Variants in NCS1 observed in about 807,000 individuals in gnomAD.
NCS1 encodes the protein frequenin homolog.
NCS1 carries 6 observed loss-of-function variants against 28.4 expected under a neutral mutation model. The observed-to-expected ratio is 0.21, with a 90% CI of 0.12 to 0.42. The LOEUF (loss-of-function observed/expected upper bound fraction) is 0.42, where lower values mean the gene tolerates loss of function less well. Ranked by LOEUF, NCS1 falls within the 10% of genes least tolerant of loss-of-function variation. The pLI, the probability that NCS1 is intolerant of heterozygous loss-of-function variation, is 1.00. For synonymous variants in NCS1, 86 were observed against 99.3 expected (o/e 0.87, Z 0.79); for missense variants, 131 against 241.4 (o/e 0.54, Z 3.03).
chr9:130,227,824 A>T (rs1833437497), intron 7 of NCS1, among the ~76,000 whole-genome samples: 1 of 152,244 alleles, frequency 6.6e-6, no homozygotes, highest in South Asian at 2.1e-4. Context: ...AAGGACTCTC[A>T]GGAGTATGCA....
intron 1 of NCS1, 50 bp from the exon 2 acceptor site, chr9:130,200,908 C>A (rs782641284): frequency 1.9e-5 from 31 of 1,613,150 alleles, no homozygotes; most frequent in Non-Finnish European, 2.5e-5. Flanking sequence ...GCCCATCTCC[C>A]GGGACACCTT....
At chr9:130,173,079 C>A (rs1832509471) in intron 1 of NCS1, among the ~76,000 whole-genome samples, 1 of 151,920 alleles carries the variant, frequency 6.6e-6, no homozygotes, top group Non-Finnish European at 1.5e-5. Context: ...CGGGAGGGGG[C>A]GCCCGGCTGC....
At chr9:130,212,396 A>G (rs1184300314) in intron 2 of NCS1, among the ~76,000 whole-genome samples, 1 of 151,392 alleles carries the variant, frequency 6.6e-6, no homozygotes, top group African/African-American at 2.4e-5. Context: ...TGTCTGGCAG[A>G]GGCTGGAGAT....
At chr9:130,182,249 C>G (rs1201772133) in intron 1 of NCS1, among the ~76,000 whole-genome samples, 2 of 152,162 alleles carry the variant, frequency 1.3e-5, no homozygotes, top group Non-Finnish European at 2.9e-5. Context: ...GATGGCCAGT[C>G]GGGGTTCAGG....
intron 2 of NCS1, among the ~76,000 whole-genome samples, chr9:130,212,441 G>C (rs6478953): frequency 0.56 from 84,091 of 149,518 alleles, 24,198 homozygotes; most frequent in East Asian, 0.86. Context: ...GGACAGGCCT[G>C]CACGACAGCG....
intron 1 of NCS1, among the ~76,000 whole-genome samples, chr9:130,198,053 C>T (rs970942492): frequency 6.6e-6 from 1 of 151,954 alleles, no homozygotes; most frequent in Non-Finnish European, 1.5e-5. Context: ...CAGGGGATAC[C>T]TGCCAGCCTC....
Position 130,180,514 on chromosome 9 carries a change from T to C in NCS1, c.64+7787T>C, listed in dbSNP as rs952242936. Among the ~76,000 whole-genome samples the C allele has an allele frequency of 1.3e-5, 2 of 152,108 alleles. No individual in the cohort carries two copies. Among genetic ancestry groups the C allele is most frequent in the Admixed American group, 6.5e-5 (1 of 15,274 alleles). Reference sequence around the variant, plus strand: ...GTGATCTATTTTGCAGGGCAGAGAGTGTCAGAGATTACGTTGCGGCGTTTC... The same window carrying C: ...GTGATCTATTTTGCAGGGCAGAGAGCGTCAGAGATTACGTTGCGGCGTTTC... On this transcript the variant is annotated intron_variant, in intron 1 of 7. Coordinates refer to ENST00000372398, the MANE Select transcript of NCS1 (RefSeq NM_014286.4). The surrounding 1 kb of genome is among the most constrained non-coding windows in gnomAD (Gnocchi z 4.5).
rs1367294523 is a variant in NCS1, at chr9:130,191,348, C to T, written c.65-9610C>T. ...GAAGGTTACCTGGCCTGGCCCGAGT[C>T]TGCCCTCCGGGGCCAGGGACTCCAT... On this transcript the variant is annotated intron_variant, in intron 1 of 7. Coordinates refer to ENST00000372398, the MANE Select transcript of NCS1 (RefSeq NM_014286.4). The surrounding 1 kb of genome is among the most constrained non-coding windows in gnomAD (Gnocchi z 6.4). Among the ~76,000 whole-genome samples the T allele has an allele frequency of 2.0e-5, 3 of 152,156 alleles. No homozygotes were observed. The highest frequency in any genetic ancestry group is 4.4e-5 in the Non-Finnish European group (3 of 68,006).
intron 1 of NCS1, among the ~76,000 whole-genome samples, chr9:130,184,689 G>A (rs1323660387): frequency 6.6e-6 from 1 of 151,874 alleles, no homozygotes; most frequent in African/African-American, 2.4e-5. Flanking sequence ...GTGAAATGGT[G>A]CAATCTCGGC....
rs1441460617 is a variant in NCS1, at chr9:130,233,528, C to T, written c.*556C>T. On this transcript the variant is annotated 3_prime_UTR_variant, in exon 8 of 8. Transcript: ENST00000372398. The surrounding 1 kb of genome is among the most constrained non-coding windows in gnomAD (Gnocchi z 4.8). ...GTCGTCCCATCTTTTGGCAGCAAAA[C>T]CACCTGCGTGGCTAGGATGATTAAT... The T allele has an allele frequency of 2.0e-5, 3 of 152,596 alleles. No individual in the cohort carries two copies. Among genetic ancestry groups the T allele is most frequent in the Non-Finnish European group, 4.4e-5 (3 of 68,044 alleles). The allele number at this position is 152,596 out of a possible 1,614,324, so 9.5% of individuals were successfully genotyped here.
intron 2 of NCS1, 111 bp downstream of exon 2, chr9:130,201,093 G>A (rs1160458159): frequency 4.7e-5 from 68 of 1,452,566 alleles, no homozygotes; most frequent in Non-Finnish European, 6.4e-5. Context: ...CATGTGGAGG[G>A]GCCCCTGAGC....
At chr9:130,227,892 C>G (rs12238278) in intron 7 of NCS1, among the ~76,000 whole-genome samples, 20,913 of 152,214 alleles carry the variant, frequency 0.14, 2,403 homozygotes, top group East Asian at 0.66. Context: ...TGCAAGTTCC[C>G]TGTTCTAGGA....
chr9:130,208,319 GC>G (rs1355350577), intron 2 of NCS1, among the ~76,000 whole-genome samples: 8 of 151,914 alleles, frequency 5.3e-5, no homozygotes, highest in African/African-American at 1.7e-4. Flanking sequence ...TCGCTTGGTT[GC>G]CCAGGCTGGA....
rs372625388 is a variant in NCS1 at position 130,192,291 on chromosome 9, G to A, written c.65-8667G>A. ...TTACTCTGAGCTTGGAGGCAGTGCCGCCGAGCACTCCATTTTAGAGAAGAG... is the reference window on the plus strand; with the variant it reads ...TTACTCTGAGCTTGGAGGCAGTGCCACCGAGCACTCCATTTTAGAGAAGAG... On this transcript the variant is annotated intron_variant, in intron 1 of 7. Coordinates refer to ENST00000372398, the MANE Select transcript of NCS1 (RefSeq NM_014286.4). The surrounding 1 kb of genome is among the most constrained non-coding windows in gnomAD (Gnocchi z 4.8). Among the ~76,000 whole-genome samples the A allele has an allele frequency of 1.9e-4, 29 of 152,142 alleles. No individual in the cohort carries two copies. The highest frequency in any genetic ancestry group is 6.5e-4 in the African/African-American group (27 of 41,412).
rs527670115 is a variant in NCS1, at chr9:130,180,532, G to A, written c.64+7805G>A. Among the ~76,000 whole-genome samples the A allele has an allele frequency of 5.3e-5, 8 of 152,284 alleles. No individual in the cohort carries two copies. The highest frequency in any genetic ancestry group is 1.9e-4 in the East Asian group (1 of 5,186). ...CAGAGAGTGTCAGAGATTACGTTGC[G>A]GCGTTTCTAGGTAACTTGAGATTGG... On this transcript the variant is annotated intron_variant, in intron 1 of 7. Coordinates refer to ENST00000372398, the MANE Select transcript of NCS1 (RefSeq NM_014286.4). The surrounding 1 kb of genome is among the most constrained non-coding windows in gnomAD (Gnocchi z 4.5).
chr9:130,210,989 C>T (rs919864673), intron 2 of NCS1, among the ~76,000 whole-genome samples: 1 of 148,692 alleles, frequency 6.7e-6, no homozygotes, highest in African/African-American at 2.5e-5. Flanking sequence ...CAAACACAAG[C>T]CACTGTGCCC....
intron 7 of NCS1, among the ~76,000 whole-genome samples, chr9:130,230,740 A>C (rs1833489767): frequency 6.6e-6 from 1 of 151,358 alleles, no homozygotes; most frequent in Admixed American, 6.6e-5. Flanking sequence ...AATGTTTTGT[A>C]CTCATCACTC....
At chr9:130,200,421 G>A (rs1479058131) in intron 1 of NCS1, 6 of 678,028 alleles carry the variant, frequency 8.8e-6, no homozygotes, top group African/African-American at 1.8e-5. Flanking sequence ...GCCAGTGAAA[G>A]AGCCCGGGCT....
At chr9:130,213,309 G>A (rs10760663) in intron 2 of NCS1, among the ~76,000 whole-genome samples, 80,298 of 151,764 alleles carry the variant, frequency 0.53, 22,081 homozygotes, top group East Asian at 0.84. Flanking sequence ...ACGGAGTCTC[G>A]CTCTGTCCCC....
Sources: allele counts gnomAD v4.1 joint callset (sites outside exome capture counted in the v4.1 genomes callset), GRCh38; gene constraint gnomAD v4.1.1; non-coding constraint Gnocchi (gnomAD v3.1); transcripts MANE v1.5; gene names NCBI Gene and HGNC (gene_info 2026-07-23, HGNC 2026-07-21).